ATP10A: variants seen among roughly 807,000 people sequenced by gnomAD.
ATP10A encodes the protein ATPase phospholipid transporting 10A (putative).
A neutral mutation model predicts 147.8 loss-of-function variants in ATP10A; 111 were observed. That is an observed-to-expected ratio of 0.75 (90% CI 0.64 to 0.88). The LOEUF (loss-of-function observed/expected upper bound fraction) is 0.88. ATP10A is among the 40% of genes least tolerant of loss of function. The pLI is 0.00. For missense variants in ATP10A, 1,927 were observed against 1,959.0 expected (o/e 0.98, Z 0.31); for synonymous variants, 875 against 841.6 (o/e 1.04, Z -0.69).
chr15:25,849,246 G>T (rs1016913292), intron 1 of ATP10A, among the ~76,000 whole-genome samples: 2 of 152,142 alleles, frequency 1.3e-5, no homozygotes, highest in African/African-American at 4.8e-5. Flanking sequence ...GGGTGTGGAC[G>T]TTGGATTGGG....
chr15:25,731,582 CAGGCCTCCATTCCCAGG>C (rs1175597471), intron 3 of ATP10A, among the ~76,000 whole-genome samples: 1 of 152,156 alleles, frequency 6.6e-6, no homozygotes, highest in Non-Finnish European at 1.5e-5. Flanking sequence ...CAGGCTGAGC[CAGGCCTCCATTCCCAGG>C]AGGCCTCTCT....
chr15:25,685,358 A>G (rs971937395), intron 16 of ATP10A, among the ~76,000 whole-genome samples: 1 of 152,034 alleles, frequency 6.6e-6, no homozygotes, highest in Non-Finnish European at 1.5e-5. Context: ...ATGGGGAGGG[A>G]CTCATCGCAG....
chr15:25,861,219 G>A (rs1040746390), intron 1 of ATP10A, among the ~76,000 whole-genome samples: 2 of 152,176 alleles, frequency 1.3e-5, no homozygotes, highest in African/African-American at 4.8e-5. Context: ...ACATTCCTGG[G>A]CTCAATCCCA....
intron 3 of ATP10A, among the ~76,000 whole-genome samples, chr15:25,731,728 T>A (rs144404567): frequency 3.3e-4 from 50 of 152,330 alleles, no homozygotes; most frequent in African/African-American, 1.2e-3. Flanking sequence ...CTTAACTATA[T>A]GAGGATCCTT....
At chr15:25,838,560 C>T (rs1038093417) in intron 1 of ATP10A, among the ~76,000 whole-genome samples, 8 of 152,132 alleles carry the variant, frequency 5.3e-5, no homozygotes, top group Non-Finnish European at 8.8e-5. Flanking sequence ...GCTGAGGTGT[C>T]GCCCTTTAAT....
At chr15:25,806,285 T>C (rs1386957452) in intron 1 of ATP10A, among the ~76,000 whole-genome samples, 2 of 152,196 alleles carry the variant, frequency 1.3e-5, no homozygotes, top group Admixed American at 1.3e-4. Context: ...ACTTAATGCA[T>C]AGTAAATGTA....
intron 1 of ATP10A, among the ~76,000 whole-genome samples, chr15:25,856,704 C>T (rs1436322271): frequency 6.6e-6 from 1 of 152,116 alleles, no homozygotes; most frequent in African/African-American, 2.4e-5. Flanking sequence ...CAAGTAAGCA[C>T]ACGTGTCTCC....
At chr15:25,677,423 G>A (rs1346946501), downstream of ATP10A, 1 of 152,110 alleles carries the variant, frequency 6.6e-6, no homozygotes, top group East Asian at 1.9e-4. Flanking sequence ...CGTTTCCCAA[G>A]AGCAAGCATC....
chr15:25,759,276 T>C (rs1888624267), intron 2 of ATP10A, among the ~76,000 whole-genome samples: 1 of 152,190 alleles, frequency 6.6e-6, no homozygotes, highest in Non-Finnish European at 1.5e-5. Flanking sequence ...AAAAGGCAAG[T>C]AAATTTTTAT....
At chr15:25,729,302 T>A (rs1416779455) in intron 3 of ATP10A, among the ~76,000 whole-genome samples, 1 of 152,122 alleles carries the variant, frequency 6.6e-6, no homozygotes, top group African/African-American at 2.4e-5. Context: ...GCCTGATCAA[T>A]ATGGTGAAAC....
upstream of ATP10A, among the ~76,000 whole-genome samples, chr15:25,863,480 A>C (rs138221207): frequency 6.6e-6 from 1 of 152,350 alleles, no homozygotes; most frequent in Non-Finnish European, 1.5e-5. Context: ...TGGAAACTTC[A>C]GAGAGGTTTA....
At chr15:25,675,115 C>T (rs143269116), downstream of ATP10A, among the ~76,000 whole-genome samples, 3 of 152,312 alleles carry the variant, frequency 2.0e-5, no homozygotes, top group East Asian at 1.9e-4. Flanking sequence ...GATGGTCTCC[C>T]GGCAAAGTTG....
At chr15:25,767,429 G>A (rs1453009146) in intron 2 of ATP10A, among the ~76,000 whole-genome samples, 1 of 152,052 alleles carries the variant, frequency 6.6e-6, no homozygotes, top group African/African-American at 2.4e-5. Context: ...GGGTTGGGGA[G>A]TGCTGTAAGA....
chr15:25,831,869 AGTACGT>A (rs1892370865), intron 1 of ATP10A, among the ~76,000 whole-genome samples: 1 of 152,250 alleles, frequency 6.6e-6, no homozygotes, highest in Non-Finnish European at 1.5e-5. Flanking sequence ...GGACAGTGCC[AGTACGT>A]GACTTTGGCG....
rs368961975 is a variant in ATP10A, at chr15:25,784,189, G to T, written c.450-2966C>A. Among the ~76,000 whole-genome samples, 51 of 152,334 alleles carry T rather than the reference G, an allele frequency of 3.3e-4. No homozygotes were observed. In the East Asian group the frequency reaches 8.3e-3, roughly 25 times the overall value. ...AAAGGGCCTGTCCCTTTGGAAGAAAGTTTCCCAATGCTCAGTCACAGTTTG... is the reference window on the plus strand; with the variant it reads ...AAAGGGCCTGTCCCTTTGGAAGAAATTTTCCCAATGCTCAGTCACAGTTTG... On this transcript the variant is annotated intron_variant, in intron 1 of 20. Transcript: ENST00000555815.
intron 4 of ATP10A, 105 bp downstream of exon 4, chr15:25,727,055 C>CAA (rs33946132): frequency 0.14 from 95,010 of 699,414 alleles, 4,197 homozygotes; most frequent in African/African-American, 0.3. Context: ...AGACTCGTCT[C>CAA]AAAAAAAAAA....
At chr15:25,819,581 CA>C (rs1891796963) in intron 1 of ATP10A, among the ~76,000 whole-genome samples, 3 of 126,126 alleles carry the variant, frequency 2.4e-5, no homozygotes, top group African/African-American at 1.1e-4. Context: ...GGTATGTACC[CA>C]AATGAAAAAA....
chr15:25,805,247 G>A (rs1412199759), intron 1 of ATP10A, among the ~76,000 whole-genome samples: 1 of 152,212 alleles, frequency 6.6e-6, no homozygotes, highest in Non-Finnish European at 1.5e-5. Flanking sequence ...AGGAGCCCAC[G>A]CTGGTCTGTG....
intron 15 of ATP10A, among the ~76,000 whole-genome samples, chr15:25,689,757 C>A (rs753441597): frequency 6.6e-6 from 1 of 152,218 alleles, no homozygotes. Flanking sequence ...GGGCACCTGC[C>A]CTATGGCTCA....
Sources: gnomAD v4.1 joint callset for allele counts (sites outside exome capture counted in the v4.1 genomes callset) on GRCh38, gnomAD v4.1.1 for gene constraint, MANE v1.5 for transcripts, NCBI Gene and HGNC (gene_info 2026-07-23, HGNC 2026-07-21) for gene names.